RORA: variants seen among roughly 807,000 people sequenced by gnomAD.
RORA encodes RAR related orphan receptor A.
RORA carries 7 observed loss-of-function variants against 69.5 expected under a neutral mutation model. That is an observed-to-expected ratio of 0.10 (90% confidence interval 0.06 to 0.19). The LOEUF (loss-of-function observed/expected upper bound fraction) is 0.19. Among genes scored for constraint, RORA ranks in the 10% least tolerant of loss-of-function variants. RORA has a pLI of 1.00. For missense variants in RORA, 457 were observed against 663.0 expected, an observed-to-expected ratio of 0.69 and a Z score of 3.41; for synonymous variants, 261 against 240.8, an observed-to-expected ratio of 1.08 and a Z score of -0.78.
At chr15:60,793,155 A>G (rs2072441985) in intron 1 of RORA, among the ~76,000 whole-genome samples, 1 of 152,184 alleles carries the variant, frequency 6.6e-6, no homozygotes. Flanking sequence ...AAGTGGAGTA[A>G]ATGATCTCAA....
rs145809421 is a variant in RORA at position 60,506,659 on chromosome 15, C to G, written c.821-1030G>C. Among the ~76,000 whole-genome samples the G allele has an allele frequency of 1.1e-3, 168 of 151,978 alleles. 2 individuals carry two copies. In the East Asian group the frequency reaches 0.011, roughly 10 times the overall value. ...CTTGAGGTCAGGAGTTCAAGACCAGCCTGGCCAACATGGTGAAACCCTGTC... is the reference window on the plus strand; with the variant it reads ...CTTGAGGTCAGGAGTTCAAGACCAGGCTGGCCAACATGGTGAAACCCTGTC... On this transcript the variant is annotated intron_variant, in intron 5 of 10. Coordinates refer to ENST00000335670, the MANE Select transcript of RORA (RefSeq NM_134261.3).
intron 1 of RORA, among the ~76,000 whole-genome samples, chr15:61,220,977 T>A (rs2080090349): frequency 6.6e-6 from 1 of 152,180 alleles, no homozygotes; most frequent in Non-Finnish European, 1.5e-5. Context: ...CAGGCACTAG[T>A]CCATTCCCCT....
chr15:60,778,389 C>T (rs1050771971), intron 1 of RORA, among the ~76,000 whole-genome samples: 2 of 152,068 alleles, frequency 1.3e-5, no homozygotes. Flanking sequence ...AGCCGTTGCC[C>T]CTTAAAGTGC....
Position 60,494,857 on chromosome 15 carries a change from C to A in RORA, c.*2598G>T, listed in dbSNP as rs1014277919. 6.6e-6 allele frequency: 1 copy of A among 152,168 alleles called. No homozygotes were observed. The allele number at this position is 152,168 out of a possible 1,614,324, so 9.4% of individuals were successfully genotyped here. On this transcript the variant is annotated 3_prime_UTR_variant, in exon 11 of 11. Coordinates refer to ENST00000335670, the MANE Select transcript of RORA (RefSeq NM_134261.3). ...GATTGTTTGTAGGTACATGCAGAAT[C>A]CCTTCTGGGAAAAGGAATTTCTTTT... is the stretch of plus-strand genomic sequence containing the variant.
intron 2 of RORA, among the ~76,000 whole-genome samples, chr15:60,644,917 CA>C (rs2070011116): frequency 6.6e-6 from 1 of 152,110 alleles, no homozygotes; most frequent in African/African-American, 2.4e-5. Context: ...TTTCAGTATT[CA>C]AGGCCAGAAT....
intron 1 of RORA, among the ~76,000 whole-genome samples, chr15:61,154,725 G>A (rs554890466): frequency 2.6e-5 from 4 of 152,290 alleles, no homozygotes; most frequent in Middle Eastern, 6.8e-3. Flanking sequence ...AAGGAAAATG[G>A]TGGTCTTAGA....
chr15:60,755,519 CA>C (rs2071789225), intron 1 of RORA, among the ~76,000 whole-genome samples: 3 of 152,182 alleles, frequency 2.0e-5, no homozygotes, highest in African/African-American at 7.2e-5. Flanking sequence ...ATGGCTGGGT[CA>C]AATGGTATTT....
chr15:60,825,754 T>C (rs2140384362), intron 1 of RORA, among the ~76,000 whole-genome samples: 1 of 152,316 alleles, frequency 6.6e-6, no homozygotes, highest in Non-Finnish European at 1.5e-5. Flanking sequence ...TTAGCTAATT[T>C]CTAACATCTT....
intron 9 of RORA, 73 bp downstream of exon 9, chr15:60,500,886 C>T (rs1366726058): frequency 9.9e-6 from 8 of 808,234 alleles, no homozygotes; most frequent in South Asian, 4.9e-5. Context: ...AGCTATTAAA[C>T]GTATGGGCCT....
At chr15:60,836,529 T>C (rs986930620) in intron 1 of RORA, among the ~76,000 whole-genome samples, 1 of 151,976 alleles carries the variant, frequency 6.6e-6, no homozygotes, top group Admixed American at 6.6e-5. Context: ...ACTAAGAAAA[T>C]CCCCAGCATC....
chr15:60,658,006 C>T (rs2070248017), intron 2 of RORA, among the ~76,000 whole-genome samples: 1 of 152,218 alleles, frequency 6.6e-6, no homozygotes, highest in African/African-American at 2.4e-5. Flanking sequence ...GCCTTTCTCT[C>T]TCTCTACCAC....
chr15:60,579,713 AG>A (rs1267623427), intron 2 of RORA, among the ~76,000 whole-genome samples: 2 of 152,194 alleles, frequency 1.3e-5, no homozygotes, highest in African/African-American at 4.8e-5. Flanking sequence ...ATGAGCTCTT[AG>A]TAGTGTCCTC....
intron 1 of RORA, among the ~76,000 whole-genome samples, chr15:60,968,062 A>G (rs1293526672): frequency 6.6e-6 from 1 of 152,202 alleles, no homozygotes; most frequent in Non-Finnish European, 1.5e-5. Flanking sequence ...TTCATTCGAT[A>G]AGCATCAACT....
intron 1 of RORA, among the ~76,000 whole-genome samples, chr15:60,992,413 A>G (rs144713522): frequency 1.2e-4 from 18 of 152,232 alleles, no homozygotes; most frequent in African/African-American, 4.1e-4. Context: ...GGCCTACACG[A>G]CCCATACATT....
intron 1 of RORA, among the ~76,000 whole-genome samples, chr15:61,208,766 C>T (rs1393948022): frequency 6.6e-6 from 1 of 152,082 alleles, no homozygotes; most frequent in East Asian, 1.9e-4. Context: ...GGATCAGAAC[C>T]GAGGCCTCCT....
chr15:60,833,556 C>T (rs1446792442), intron 1 of RORA, among the ~76,000 whole-genome samples: 4 of 152,132 alleles, frequency 2.6e-5, no homozygotes, highest in Admixed American at 6.5e-5. Flanking sequence ...ATGTCCCTTT[C>T]TCATTTGCTA....
In RORA at chr15:60,962,063, C is replaced by T. The variant is rs572896015; in HGVS notation, c.166+266990G>A. Among the ~76,000 whole-genome samples the T allele has an allele frequency of 7.9e-5, 12 of 152,308 alleles. No individual in the cohort carries two copies. In the East Asian group the frequency reaches 1.3e-3, roughly 17 times the overall value. ...TGCTGTTTTCTTCTTACTGTGACCACGAGGCGAGAGAGTGAGAGTGAGCTG... is the reference window on the plus strand; with the variant it reads ...TGCTGTTTTCTTCTTACTGTGACCATGAGGCGAGAGAGTGAGAGTGAGCTG... On this transcript the variant is annotated intron_variant, in intron 1 of 10. Coordinates refer to ENST00000335670, the MANE Select transcript of RORA (RefSeq NM_134261.3).
chr15:61,065,939 T>C (rs920097784), intron 1 of RORA, among the ~76,000 whole-genome samples: 3 of 152,190 alleles, frequency 2.0e-5, no homozygotes, highest in African/African-American at 7.2e-5. Flanking sequence ...CAGTGTTCCC[T>C]TCAAGGTTGG....
chr15:60,930,973 T>C (rs1892357584), intron 1 of RORA, among the ~76,000 whole-genome samples: 1 of 152,230 alleles, frequency 6.6e-6, no homozygotes, highest in Non-Finnish European at 1.5e-5. Flanking sequence ...TGGTCTGTTC[T>C]CTGAGGGTAA....
Sources: gnomAD v4.1 joint callset for allele counts (sites outside exome capture counted in the v4.1 genomes callset) on GRCh38, gnomAD v4.1.1 for gene constraint, MANE v1.5 for transcripts, NCBI Gene and HGNC (gene_info 2026-07-23, HGNC 2026-07-21) for gene names.